Variants in CNTN1 observed in about 807,000 individuals in gnomAD.
CNTN1 encodes contactin-1.
A neutral mutation model predicts 126.4 loss-of-function variants in CNTN1; 38 were observed. The observed-to-expected ratio is 0.30, with a 90% CI of 0.23 to 0.39. The LOEUF is 0.39. CNTN1 is among the 10% of genes least tolerant of loss of function. The pLI, the probability that CNTN1 is intolerant of heterozygous loss-of-function variation, is 1.00. For missense variants in CNTN1, 1,009 were observed against 1,248.4 expected (o/e 0.81, Z 2.89); for synonymous variants, 413 against 422.6 (o/e 0.98, Z 0.28).
intron 23 of CNTN1, among the ~76,000 whole-genome samples, chr12:41,057,630 T>C (rs1288951135): frequency 2.0e-5 from 3 of 152,220 alleles, no homozygotes; most frequent in Non-Finnish European, 2.9e-5. Flanking sequence ...AAATCTTATT[T>C]GATGAATTTG....
intron 1 of CNTN1, among the ~76,000 whole-genome samples, chr12:40,856,229 T>C (rs1177515152): frequency 6.6e-6 from 1 of 152,038 alleles, no homozygotes; most frequent in African/African-American, 2.4e-5. Flanking sequence ...GGAATATATA[T>C]ACACCAGTTT....
Position 40,981,067 on chromosome 12 carries a change from G to A in CNTN1, c.1963G>A (p.Asp655Asn). The A allele has an allele frequency of 6.2e-7, 1 of 1,612,206 alleles. No individual in the cohort carries two copies. Among genetic ancestry groups the A allele is most frequent in the Non-Finnish European group, 8.5e-7 (1 of 1,179,582 alleles). ...AGATGACTGGAAAGATGCAAAGACA[G>A]GTGAGTTTTATTTGTCTGATTAATC... ...LSDDWKDAKT[D>N]PPIIEGNMEA... Residue 655 changes from aspartate (D) to asparagine (N), a missense_variant and splice_region_variant, in exon 16 of 24, where the codon GAT becomes AAT. By Grantham distance (23) the Asp-to-Asn change is conservative (BLOSUM62 1). Transcript: ENST00000551295.
intron 17 of CNTN1, among the ~76,000 whole-genome samples, chr12:41,002,994 G>A (rs1948402696): frequency 6.6e-6 from 1 of 152,164 alleles, no homozygotes; most frequent in Admixed American, 6.5e-5. Flanking sequence ...ACCAGGAGAA[G>A]TGAGAGATGG....
chr12:40,769,265 C>T (rs1421444788), intron 1 of CNTN1, among the ~76,000 whole-genome samples: 1 of 151,852 alleles, frequency 6.6e-6, no homozygotes, highest in East Asian at 1.9e-4. Context: ...AACAATATAT[C>T]TTTTTTTCTG....
intron 1 of CNTN1, among the ~76,000 whole-genome samples, chr12:40,768,276 A>G (rs375630206): frequency 6.6e-6 from 1 of 152,344 alleles, no homozygotes; most frequent in Middle Eastern, 3.4e-3. Context: ...AAGGTCACGT[A>G]GCTGGTAAGG....
intron 23 of CNTN1, among the ~76,000 whole-genome samples, chr12:41,047,341 T>C (rs1297887270): frequency 6.6e-6 from 1 of 152,150 alleles, no homozygotes; most frequent in East Asian, 1.9e-4. Flanking sequence ...TAGAGTCTTC[T>C]GTAACTTCCA....
chr12:41,063,994 T>C (rs568651692), intron 23 of CNTN1, among the ~76,000 whole-genome samples: 266 of 151,964 alleles, frequency 1.8e-3, no homozygotes, highest in South Asian at 6.7e-3. Context: ...GCTAGCACAG[T>C]GAAACCCCAT....
intron 1 of CNTN1, among the ~76,000 whole-genome samples, chr12:40,833,698 GTA>G (rs1941944214): frequency 6.6e-6 from 1 of 152,094 alleles, no homozygotes. Flanking sequence ...TAAAGGGAGG[GTA>G]TATCCTCTAG....
At chr12:40,809,610 GT>G (rs2136500797) in intron 1 of CNTN1, among the ~76,000 whole-genome samples, 1 of 152,210 alleles carries the variant, frequency 6.6e-6, no homozygotes, top group African/African-American at 2.4e-5. Context: ...GGATCACGAG[GT>G]CAGGAGTTCA....
intron 1 of CNTN1, among the ~76,000 whole-genome samples, chr12:40,794,434 A>T (rs1413463709): frequency 2.2e-5 from 3 of 134,074 alleles, no homozygotes; most frequent in African/African-American, 8.5e-5. Flanking sequence ...AATAATGAAT[A>T]ACTACTTTTT....
rs766985099 is a variant in CNTN1, at chr12:40,908,484, T to C, written c.52T>C (p.Cys18Arg). Residue 18 changes from cysteine (C) to arginine (R), a missense_variant, in exon 2 of 24, where the codon TGT becomes CGT. Cys to Arg is a radical substitution (Grantham distance 180). Coordinates refer to ENST00000551295, the MANE Select transcript of CNTN1 (RefSeq NM_001843.4). Reference protein sequence around the residue: ...SHLVIISITTCLAEFTWYRRY... With the variant: ...SHLVIISITTRLAEFTWYRRY... ...TCTTGTGATAATATCTATTACTACC[T>C]GTTTAGCAGGTAAGAAATATCCTTT... 5 of 1,604,590 alleles carry C rather than the reference T, an allele frequency of 3.1e-6. No homozygotes were observed. The South Asian group carries it at 5.5e-5, about 18-fold the overall frequency.
chr12:40,866,280 T>TC (rs1251932159), intron 1 of CNTN1, among the ~76,000 whole-genome samples: 1 of 152,136 alleles, frequency 6.6e-6, no homozygotes, highest in African/African-American at 2.4e-5. Context: ...TATTCTTTTT[T>TC]CCCAACCTGG....
At chr12:41,042,105 G>A (rs939954830) in intron 23 of CNTN1, among the ~76,000 whole-genome samples, 7 of 151,882 alleles carry the variant, frequency 4.6e-5, no homozygotes, top group South Asian at 2.1e-4. Context: ...CAGAGATTCT[G>A]GTATGTTGTG....
At chr12:40,952,871 A>G (rs1472050141) in intron 14 of CNTN1, among the ~76,000 whole-genome samples, 1 of 152,136 alleles carries the variant, frequency 6.6e-6, no homozygotes, top group African/African-American at 2.4e-5. Context: ...ATATTTAATA[A>G]TTTTTATGTT....
At chr12:40,874,315 A>C (rs1437866942) in intron 1 of CNTN1, among the ~76,000 whole-genome samples, 6 of 152,126 alleles carry the variant, frequency 3.9e-5, no homozygotes, top group African/African-American at 1.4e-4. Context: ...ATTAGGAAAT[A>C]CTTCAGATAT....
chr12:41,053,428 A>AATATATATATATATAT (rs66808071), intron 23 of CNTN1, among the ~76,000 whole-genome samples: 789 of 64,002 alleles, frequency 0.012, 49 homozygotes, highest in African/African-American at 0.015. Context: ...GTTTTCACTA[A>AATATATATATATATAT]ATATATATAT....
intron 1 of CNTN1, among the ~76,000 whole-genome samples, chr12:40,707,070 ACACACACACACACACAC>A (rs1320219728): frequency 6.6e-6 from 1 of 150,754 alleles, no homozygotes; most frequent in African/African-American, 2.5e-5. Context: ...ACACACACAC[ACACACACACACACACAC>A]ACCCCTGCTC....
rs1950145728 is a variant in CNTN1 at position 41,070,871 on chromosome 12, C to A, written c.*836C>A. 3 of 151,798 alleles carry A rather than the reference C, an allele frequency of 2.0e-5. No individual in the cohort carries two copies. The highest frequency in any genetic ancestry group is 7.3e-5 in the African/African-American group (3 of 41,334). 9.4% of individuals were successfully genotyped at this position (151,798 alleles called of 1,614,324 possible). A position where few individuals can be genotyped will look rare whatever the true frequency, so the allele number is the denominator to read the frequency against. ...CTATATTTGTTCATATGTGGAGTGA[C>A]AAATTTTGAAAAGTAGAGTGCTTCC... On this transcript the variant is annotated 3_prime_UTR_variant, in exon 24 of 24. Coordinates refer to ENST00000551295, the MANE Select transcript of CNTN1 (RefSeq NM_001843.4).
Position 41,070,150 on chromosome 12 carries a change from T to A in CNTN1, c.*115T>A, listed in dbSNP as rs1333100271. 6 of 874,410 alleles carry A rather than the reference T, an allele frequency of 6.9e-6. No individual in the cohort carries two copies. Among genetic ancestry groups the A allele is most frequent in the African/African-American group, 1.6e-5 (1 of 60,692 alleles). The allele number at this position is 874,410 out of a possible 1,614,324, so 54.2% of individuals were successfully genotyped here. ...CCATCCTAAGCCAAATAAATTATAC[T>A]TTAACAAACTATTCAACTGATTTAC... On this transcript the variant is annotated 3_prime_UTR_variant, in exon 24 of 24. Coordinates refer to ENST00000551295, the MANE Select transcript of CNTN1 (RefSeq NM_001843.4).
Sources: allele counts gnomAD v4.1 joint callset (sites outside exome capture counted in the v4.1 genomes callset), GRCh38; gene constraint gnomAD v4.1.1; transcripts MANE v1.5; gene names NCBI Gene and HGNC (gene_info 2026-07-23, HGNC 2026-07-21).